Variants in NYAP2 observed in about 807,000 individuals in gnomAD.
NYAP2 encodes neuronal tyrosine-phosphorylated phosphoinositide-3-kinase adaptor 2.
NYAP2 carries 23 observed loss-of-function variants against 50.4 expected under a neutral mutation model. That is an observed-to-expected ratio of 0.46 (90% CI 0.33 to 0.65). The LOEUF (loss-of-function observed/expected upper bound fraction) is 0.65, where lower values mean the gene tolerates loss of function less well. NYAP2 is among the 30% of genes least tolerant of loss of function. NYAP2 has a pLI of 0.02. For missense variants in NYAP2, 885 were observed against 861.0 expected, an observed-to-expected ratio of 1.03 and a Z score of -0.35; for synonymous variants, 394 against 365.2, an observed-to-expected ratio of 1.08 and a Z score of -0.90.
intron 5 of NYAP2, among the ~76,000 whole-genome samples, chr2:225,626,466 ATGAG>A (rs1369539321): frequency 3.3e-5 from 5 of 152,214 alleles, no homozygotes; most frequent in Admixed American, 2.6e-4. Flanking sequence ...GAAAATATAA[ATGAG>A]TGAGTAATCA....
intron 4 of NYAP2, among the ~76,000 whole-genome samples, chr2:225,516,693 T>C (rs1487488868): frequency 6.6e-6 from 1 of 152,196 alleles, no homozygotes; most frequent in Non-Finnish European, 1.5e-5. Flanking sequence ...AATGCATGTG[T>C]ATATATATGT....
chr2:225,570,133 T>C (rs1371702958), intron 4 of NYAP2, among the ~76,000 whole-genome samples: 2 of 152,160 alleles, frequency 1.3e-5, no homozygotes, highest in Non-Finnish European at 2.9e-5. Flanking sequence ...AATATCAAAC[T>C]AGAACTTGTG....
chr2:225,639,405 G>A (rs910103865), intron 6 of NYAP2, among the ~76,000 whole-genome samples: 3 of 152,086 alleles, frequency 2.0e-5, no homozygotes, highest in African/African-American at 7.2e-5. Flanking sequence ...GCCTTTATGT[G>A]TACTGTCTCA....
rs116834639 is a variant in NYAP2 at position 225,553,613 on chromosome 2, C to T, written c.524-28328C>T. Among the ~76,000 whole-genome samples the T allele has an allele frequency of 3.1e-3, 474 of 152,304 alleles. 5 individuals carry two copies. The highest frequency in any genetic ancestry group is 5.6e-3 in the Non-Finnish European group (380 of 68,030). On this transcript the variant is annotated intron_variant, in intron 4 of 6. Coordinates refer to ENST00000636099, the Ensembl canonical transcript of NYAP2. ...GATTACAATAGCTTCAGAGAAGGAT[C>T]GGACAAGTGTTCTTTATTTTTTGTT...
At chr2:225,487,453 G>A (rs907754633) in intron 3 of NYAP2, among the ~76,000 whole-genome samples, 8 of 151,998 alleles carry the variant, frequency 5.3e-5, no homozygotes, top group Non-Finnish European at 1.2e-4. Context: ...TCCGCCTCCT[G>A]GGTTTAAGCG....
chr2:225,495,762 T>G (rs1388024209), intron 3 of NYAP2, among the ~76,000 whole-genome samples: 1 of 152,210 alleles, frequency 6.6e-6, no homozygotes, highest in Non-Finnish European at 1.5e-5. Context: ...TATGTAATAT[T>G]TTAAAATAAA....
intron 6 of NYAP2, among the ~76,000 whole-genome samples, chr2:225,648,600 A>G (rs578063970): frequency 1.3e-5 from 2 of 152,276 alleles, no homozygotes; most frequent in South Asian, 4.2e-4. Context: ...AAATTTATAG[A>G]GAGAGGAAAA....
intron 4 of NYAP2, among the ~76,000 whole-genome samples, chr2:225,530,514 C>T (rs1691236015): frequency 1.3e-5 from 2 of 152,198 alleles, no homozygotes; most frequent in African/African-American, 4.8e-5. Flanking sequence ...TGCTCCTTGG[C>T]TTTTTATGCC....
chr2:225,647,696 C>T (rs138163371), intron 6 of NYAP2, among the ~76,000 whole-genome samples: 1,671 of 152,082 alleles, frequency 0.011, 12 homozygotes, highest in Middle Eastern at 0.02. Context: ...TAATTGAATG[C>T]TTATTAGGTG....
chr2:225,655,114 A>T (rs531541495), downstream of NYAP2, among the ~76,000 whole-genome samples: 9 of 152,320 alleles, frequency 5.9e-5, no homozygotes, highest in Non-Finnish European at 1.2e-4. Context: ...TTGCCTTTGA[A>T]ATCAGTTTTA....
At chr2:225,461,154 T>C (rs1169630310) in intron 3 of NYAP2, among the ~76,000 whole-genome samples, 4 of 152,134 alleles carry the variant, frequency 2.6e-5, no homozygotes, top group Admixed American at 6.6e-5. Flanking sequence ...TCTAAATAAA[T>C]GCCAGATGCA....
chr2:225,612,320 A>T (rs1692900190), intron 5 of NYAP2, among the ~76,000 whole-genome samples: 1 of 151,848 alleles, frequency 6.6e-6, no homozygotes, highest in African/African-American at 2.4e-5. Context: ...TCCTTAAAAT[A>T]ACCCGAACAA....
At chr2:225,622,661 C>T (rs1693141345) in intron 5 of NYAP2, among the ~76,000 whole-genome samples, 1 of 151,168 alleles carries the variant, frequency 6.6e-6, no homozygotes, top group Non-Finnish European at 1.5e-5. Flanking sequence ...ATCACTGCAA[C>T]CTCCACCTCC....
chr2:225,597,640 T>C (rs1015434528), intron 5 of NYAP2, among the ~76,000 whole-genome samples: 2 of 150,204 alleles, frequency 1.3e-5, no homozygotes, highest in African/African-American at 4.9e-5. Flanking sequence ...AGTATCTTTT[T>C]TGTATAATGA....
chr2:225,643,791 G>T (rs1177677820), intron 6 of NYAP2, among the ~76,000 whole-genome samples: 1 of 94,258 alleles, frequency 1.1e-5, no homozygotes, highest in South Asian at 3.4e-4. Context: ...TTTTATGGCT[G>T]CATAGTATTC....
chr2:225,474,021 T>C (rs1186663065), intron 3 of NYAP2, among the ~76,000 whole-genome samples: 1 of 152,244 alleles, frequency 6.6e-6, no homozygotes, highest in Non-Finnish European at 1.5e-5. Context: ...TTCAGCTTTC[T>C]ACATATGGCT....
intron 4 of NYAP2, among the ~76,000 whole-genome samples, chr2:225,567,752 G>T (rs981268379): frequency 6.6e-6 from 1 of 152,074 alleles, no homozygotes; most frequent in Non-Finnish European, 1.5e-5. Context: ...AGTAAAGTCT[G>T]AACATACACA....
At chr2:225,416,069 C>G (rs1574603308) in intron 3 of NYAP2, among the ~76,000 whole-genome samples, 2 of 152,256 alleles carry the variant, frequency 1.3e-5, no homozygotes, top group East Asian at 3.9e-4. Flanking sequence ...GATTAAACAG[C>G]AGCCAGTATC....
At chr2:225,448,755 G>A (rs758620964) in intron 3 of NYAP2, among the ~76,000 whole-genome samples, 1 of 152,144 alleles carries the variant, frequency 6.6e-6, no homozygotes, top group Admixed American at 6.6e-5. Flanking sequence ...ACAAGCCATT[G>A]TCTTTGTCAT....
Sources: allele counts gnomAD v4.1 joint callset (sites outside exome capture counted in the v4.1 genomes callset), GRCh38; gene constraint gnomAD v4.1.1; transcripts MANE v1.5; gene names NCBI Gene and HGNC (gene_info 2026-07-23, HGNC 2026-07-21).